Variants in SORCS3 observed in about 807,000 individuals in gnomAD.
SORCS3 encodes sortilin related VPS10 domain containing receptor 3.
In SORCS3, 57 loss-of-function variants were observed where a neutral mutation model predicts 146.3. The observed-to-expected ratio is 0.39, with a 90% CI of 0.31 to 0.49. SORCS3 has a LOEUF of 0.49. SORCS3 is among the 20% of genes least tolerant of loss of function. The pLI is 0.92. For synonymous variants in SORCS3, 653 were observed against 618.5 expected (o/e 1.06, Z -0.83); for missense variants, 1,341 against 1,575.5 (o/e 0.85, Z 2.52).
chr10:105,155,251 T>G (rs1460785080), intron 9 of SORCS3, among the ~76,000 whole-genome samples: 4 of 152,192 alleles, frequency 2.6e-5, no homozygotes, highest in Non-Finnish European at 5.9e-5. Flanking sequence ...CACAAGAGGT[T>G]GCTGAGTGGC....
chr10:104,850,411 C>A (rs141681181), intron 2 of SORCS3, among the ~76,000 whole-genome samples: 15 of 152,274 alleles, frequency 9.9e-5, no homozygotes, highest in Non-Finnish European at 5.9e-5. Flanking sequence ...GGTAAAATCC[C>A]GTTTCTACAA....
chr10:104,996,717 T>C (rs2133668083), intron 4 of SORCS3, among the ~76,000 whole-genome samples: 1 of 152,314 alleles, frequency 6.6e-6, no homozygotes, highest in Middle Eastern at 3.4e-3. Flanking sequence ...AATGGTACTA[T>C]TTTACTAGTT....
At chr10:105,128,689 G>T (rs2055993621) in intron 7 of SORCS3, among the ~76,000 whole-genome samples, 1 of 152,124 alleles carries the variant, frequency 6.6e-6, no homozygotes, top group Admixed American at 6.6e-5. Flanking sequence ...CATAGTTGAA[G>T]CTACATCGGC....
At chr10:105,052,884 G>A (rs1315358870) in intron 5 of SORCS3, among the ~76,000 whole-genome samples, 1 of 152,134 alleles carries the variant, frequency 6.6e-6, no homozygotes, top group Non-Finnish European at 1.5e-5. Flanking sequence ...ATCTGTTATT[G>A]TTCTGCTCCA....
intron 1 of SORCS3, among the ~76,000 whole-genome samples, chr10:104,785,443 G>T (rs942943851): frequency 2.1e-5 from 3 of 141,454 alleles, no homozygotes; most frequent in Admixed American, 1.4e-4. Flanking sequence ...CACAAACACT[G>T]CGGAAGGCCG....
At chr10:104,948,623 T>C (rs1197203503) in intron 3 of SORCS3, among the ~76,000 whole-genome samples, 1 of 152,234 alleles carries the variant, frequency 6.6e-6, no homozygotes, top group Non-Finnish European at 1.5e-5. Context: ...TGCCCATGTC[T>C]TCTTTTACTT....
At position 105,068,255 on chromosome 10, in the gene SORCS3, G is replaced by T. The variant is rs184545007; in HGVS notation, c.1029-21520G>T. On this transcript the variant is annotated intron_variant, in intron 5 of 26. Transcript: ENST00000369701. ...TCAGATTATTTTAGTTAACAATATC[G>T]CTATCCATCAAATTGTCTGACCTAG... Among the ~76,000 whole-genome samples, 71 of 152,124 alleles carry T rather than the reference G, an allele frequency of 4.7e-4. 1 individual carries two copies. The South Asian group carries it at 0.014, about 30-fold the overall frequency.
intron 3 of SORCS3, among the ~76,000 whole-genome samples, chr10:104,958,996 G>C (rs540953829): frequency 6.6e-6 from 1 of 152,170 alleles, no homozygotes; most frequent in South Asian, 2.1e-4. Context: ...AACACGTGGG[G>C]ATTACAATTT....
chr10:104,698,058 T>C (rs1297844194), intron 1 of SORCS3, among the ~76,000 whole-genome samples: 3 of 152,222 alleles, frequency 2.0e-5, no homozygotes, highest in African/African-American at 7.2e-5. Flanking sequence ...GAAGGAAGTT[T>C]TCATGAGGGC....
intron 13 of SORCS3, among the ~76,000 whole-genome samples, chr10:105,171,748 A>G (rs1334641967): frequency 6.6e-6 from 1 of 152,198 alleles, no homozygotes; most frequent in East Asian, 1.9e-4. Context: ...ATTGATTCTC[A>G]ATGACCACTG....
At chr10:105,101,244 A>T (rs1650752041) in intron 6 of SORCS3, among the ~76,000 whole-genome samples, 1 of 152,208 alleles carries the variant, frequency 6.6e-6, no homozygotes, top group Admixed American at 6.5e-5. Flanking sequence ...CTAATTTGAG[A>T]CATTTTGCAT....
chr10:105,110,441 A>T (rs1438154448), intron 7 of SORCS3, among the ~76,000 whole-genome samples: 1 of 151,872 alleles, frequency 6.6e-6, no homozygotes, highest in East Asian at 1.9e-4. Context: ...TATCATTATT[A>T]TGCTATTTTC....
Position 105,223,266 on chromosome 10 carries a change from T to C in SORCS3, c.2868+17T>C, listed in dbSNP as rs2056715504. ...AGCACAAAGGTTTGGCCCTTTCTGA[T>C]TGATGTCAAATTAGATCTGTACTGA... On this transcript the variant is annotated intron_variant, in intron 20 of 26. Transcript: ENST00000369701. 2.5e-6 allele frequency: 4 copies of C among 1,600,084 alleles called. No homozygotes were observed. The highest frequency in any genetic ancestry group is 1.3e-5 in the African/African-American group (1 of 74,390).
chr10:104,857,116 G>A (rs927613109), intron 2 of SORCS3, among the ~76,000 whole-genome samples: 2 of 149,394 alleles, frequency 1.3e-5, no homozygotes, highest in African/African-American at 5.0e-5. Flanking sequence ...GCTAGATAAG[G>A]AGTATAGTCA....
At chr10:104,800,914 T>A (rs1017864128) in intron 1 of SORCS3, among the ~76,000 whole-genome samples, 1 of 152,222 alleles carries the variant, frequency 6.6e-6, no homozygotes, top group Non-Finnish European at 1.5e-5. Context: ...GTTGGGCTGA[T>A]CCTCTCTTTA....
At chr10:105,254,029 A>G (rs2056916331) in intron 23 of SORCS3, among the ~76,000 whole-genome samples, 1 of 152,256 alleles carries the variant, frequency 6.6e-6, no homozygotes, top group Non-Finnish European at 1.5e-5. Context: ...GATAAGAGTT[A>G]GGGACAACAG....
chr10:104,987,666 C>T (rs1281641509), intron 4 of SORCS3, among the ~76,000 whole-genome samples: 1 of 151,940 alleles, frequency 6.6e-6, no homozygotes, highest in East Asian at 1.9e-4. Context: ...AAAAAGTGTA[C>T]TCTTGTTGGA....
chr10:104,981,831 G>T (rs1289223886), intron 4 of SORCS3, among the ~76,000 whole-genome samples: 1 of 152,134 alleles, frequency 6.6e-6, no homozygotes, highest in South Asian at 2.1e-4. Context: ...AGGTAGGATT[G>T]CAAAGCTCTC....
chr10:104,967,336 C>T (rs2054831438), intron 3 of SORCS3, among the ~76,000 whole-genome samples: 1 of 152,080 alleles, frequency 6.6e-6, no homozygotes, highest in Admixed American at 6.6e-5. Context: ...TGTTTTTCTC[C>T]CTGACACTTT....
Sources: allele counts gnomAD v4.1 joint callset (sites outside exome capture counted in the v4.1 genomes callset), GRCh38; gene constraint gnomAD v4.1.1; transcripts MANE v1.5; gene names NCBI Gene and HGNC (gene_info 2026-07-23, HGNC 2026-07-21).